The following LRRC4C variants were observed in gnomAD, a reference collection of about 807,000 sequenced individuals.
The protein encoded by LRRC4C is leucine rich repeat containing 4C.
Under a neutral mutation model 33.6 loss-of-function variants are expected in LRRC4C, and 5 were observed. The observed-to-expected ratio is 0.15, with a 90% confidence interval of 0.08 to 0.31. LRRC4C has a LOEUF of 0.31. LRRC4C is among the 10% of genes least tolerant of loss of function. The pLI, the probability that LRRC4C is intolerant of heterozygous loss-of-function variation, is 1.00. For missense variants in LRRC4C, 560 were observed against 796.7 expected, an observed-to-expected ratio of 0.70 and a Z score of 3.58; for synonymous variants, 329 against 302.0, an observed-to-expected ratio of 1.09 and a Z score of -0.93.
At chr11:41,040,963 A>G (rs1442298108) in intron 1 of LRRC4C, among the ~76,000 whole-genome samples, 1 of 152,170 alleles carries the variant, frequency 6.6e-6, no homozygotes, top group Non-Finnish European at 1.5e-5. Flanking sequence ...ATGCAGATAT[A>G]CTCACACCAT....
At chr11:41,390,679 G>T (rs1953555148) in intron 1 of LRRC4C, among the ~76,000 whole-genome samples, 1 of 151,786 alleles carries the variant, frequency 6.6e-6, no homozygotes. Context: ...TCTCCACTTT[G>T]AATTAGGGTA....
chr11:40,317,614 C>T (rs1213367697), intron 4 of LRRC4C, among the ~76,000 whole-genome samples: 1 of 152,038 alleles, frequency 6.6e-6, no homozygotes, highest in Non-Finnish European at 1.5e-5. Context: ...GATACTGAAA[C>T]GTCTCTCTGC....
intron 3 of LRRC4C, among the ~76,000 whole-genome samples, chr11:40,345,929 C>A (rs1417793718): frequency 3.3e-5 from 5 of 152,042 alleles, no homozygotes; most frequent in African/African-American, 1.2e-4. Context: ...ATACATGAGG[C>A]CAATGAGCAT....
intron 3 of LRRC4C, among the ~76,000 whole-genome samples, chr11:40,343,711 G>GAAAAAAAAAA (rs5791374): frequency 9.6e-6 from 1 of 104,710 alleles, no homozygotes; most frequent in Admixed American, 1.1e-4. Flanking sequence ...TTGTTTTTTT[G>GAAAAAAAAAA]AAAAAAAAAA....
At chr11:40,962,597 A>G (rs1302169013) in intron 1 of LRRC4C, among the ~76,000 whole-genome samples, 1 of 151,752 alleles carries the variant, frequency 6.6e-6, no homozygotes, top group Non-Finnish European at 1.5e-5. Flanking sequence ...GATTTTCACA[A>G]GCGAATCTTT....
chr11:40,382,575 AAG>A (rs1948925837), intron 3 of LRRC4C, among the ~76,000 whole-genome samples: 5 of 151,896 alleles, frequency 3.3e-5, no homozygotes, highest in Non-Finnish European at 7.4e-5. Flanking sequence ...TCTACTCTCT[AAG>A]CAAATTTTAA....
At chr11:41,183,275 CCA>C (rs1404305012) in intron 1 of LRRC4C, among the ~76,000 whole-genome samples, 1 of 152,126 alleles carries the variant, frequency 6.6e-6, no homozygotes, top group Non-Finnish European at 1.5e-5. Flanking sequence ...ACTGAAAAGT[CCA>C]CAGTCTAAAG....
chr11:40,845,430 G>A (rs1213874512), intron 2 of LRRC4C, among the ~76,000 whole-genome samples: 1 of 152,116 alleles, frequency 6.6e-6, no homozygotes, highest in Non-Finnish European at 1.5e-5. Flanking sequence ...CCAATGCGGA[G>A]GTTGGTTTTC....
At chr11:41,215,242 C>A (rs980730177) in intron 1 of LRRC4C, among the ~76,000 whole-genome samples, 1 of 151,612 alleles carries the variant, frequency 6.6e-6, no homozygotes, top group African/African-American at 2.4e-5. Context: ...AACCCCAGCA[C>A]GTTGGGAGGC....
chr11:40,493,770 G>A (rs2138542029), intron 3 of LRRC4C, among the ~76,000 whole-genome samples: 1 of 152,200 alleles, frequency 6.6e-6, no homozygotes. Flanking sequence ...ACCAACTAAG[G>A]TTATTAAGTG....
At chr11:40,733,536 T>C (rs986146285) in intron 2 of LRRC4C, among the ~76,000 whole-genome samples, 1 of 152,188 alleles carries the variant, frequency 6.6e-6, no homozygotes, top group Non-Finnish European at 1.5e-5. Flanking sequence ...AAAGAGATGT[T>C]TGGGTTTAGA....
At chr11:40,852,744 T>C (rs1193455724) in intron 2 of LRRC4C, among the ~76,000 whole-genome samples, 2 of 152,198 alleles carry the variant, frequency 1.3e-5, no homozygotes, top group Non-Finnish European at 2.9e-5. Flanking sequence ...TTAATAGGAA[T>C]AGAACTGTTG....
At chr11:40,783,975 T>C (rs898821590) in intron 2 of LRRC4C, among the ~76,000 whole-genome samples, 1 of 152,152 alleles carries the variant, frequency 6.6e-6, no homozygotes, top group Non-Finnish European at 1.5e-5. Flanking sequence ...CAAATACCGC[T>C]ATTTAAAAAA....
At chr11:41,018,511 T>G (rs1855743979) in intron 1 of LRRC4C, among the ~76,000 whole-genome samples, 1 of 152,178 alleles carries the variant, frequency 6.6e-6, no homozygotes, top group African/African-American at 2.4e-5. Context: ...TCATTTCAGC[T>G]TTTTATTTTC....
At chr11:40,751,334 C>T (rs567129834) in intron 2 of LRRC4C, among the ~76,000 whole-genome samples, 3 of 152,070 alleles carry the variant, frequency 2.0e-5, no homozygotes, top group African/African-American at 7.2e-5. Flanking sequence ...AATTGCCCCT[C>T]TGCTGCTGCT....
At chr11:40,437,683 C>T (rs570716027) in intron 3 of LRRC4C, among the ~76,000 whole-genome samples, 13 of 151,660 alleles carry the variant, frequency 8.6e-5, no homozygotes, top group South Asian at 6.3e-4. Flanking sequence ...TGTGAGCCAC[C>T]GTTCCCGGCT....
chr11:40,910,472 A>T (rs1373999579), intron 2 of LRRC4C, among the ~76,000 whole-genome samples: 1 of 152,206 alleles, frequency 6.6e-6, no homozygotes, highest in Admixed American at 6.5e-5. Context: ...ATGTCACTTG[A>T]TATTGTGGTC....
chr11:41,366,055 C>CT (rs998720210), intron 1 of LRRC4C, among the ~76,000 whole-genome samples: 122 of 151,148 alleles, frequency 8.1e-4, no homozygotes, highest in East Asian at 7.6e-3. Context: ...TTAAATAAAC[C>CT]TTTTTTTTTC....
chr11:40,999,669 A>C (rs1854230492), intron 1 of LRRC4C, among the ~76,000 whole-genome samples: 1 of 152,166 alleles, frequency 6.6e-6, no homozygotes, highest in Non-Finnish European at 1.5e-5. Flanking sequence ...TTTTTAAATC[A>C]AAATATTGGC....
Sources: gnomAD v4.1 joint callset for allele counts (sites outside exome capture counted in the v4.1 genomes callset) on GRCh38, gnomAD v4.1.1 for gene constraint, MANE v1.5 for transcripts, NCBI Gene and HGNC (gene_info 2026-07-23, HGNC 2026-07-21) for gene names.